ZCRB1: variants seen among roughly 807,000 people sequenced by gnomAD.
The protein encoded by ZCRB1 is zinc finger CCHC-type and RNA binding motif containing 1, also known as zinc finger CCHC-type and RNA-binding motif-containing protein 1.
ZCRB1 carries 21 observed loss-of-function variants against 29.9 expected under a neutral mutation model. The ratio of observed to expected loss-of-function variants is 0.70; its 90% CI spans 0.50 to 1.01. ZCRB1 has a LOEUF of 1.01. Among genes scored for constraint, ZCRB1 ranks in the 50% least tolerant of loss-of-function variants. The pLI is 0.00. For synonymous variants in ZCRB1, 77 were observed against 80.0 expected (o/e 0.96, Z 0.20); for missense variants, 204 against 253.3 (o/e 0.81, Z 1.32).
chr12:42,312,888 G>T lies in ZCRB1; in HGVS notation c.*179C>A. ...CAGAAGTCCTCATGTAAACAAATCA[G>T]GCATGAATAAAGCCCTTATAATGAA... On this transcript the variant is annotated 3_prime_UTR_variant, in exon 8 of 8. Coordinates refer to ENST00000266529, the MANE Select transcript of ZCRB1 (RefSeq NM_033114.4). 1 of 567,078 alleles carries T rather than the reference G, an allele frequency of 1.8e-6. No homozygotes were observed. The highest frequency in any genetic ancestry group is 2.5e-6 in the Non-Finnish European group (1 of 393,328). 35.1% of individuals were successfully genotyped at this position (567,078 alleles called of 1,614,324 possible). A position where few individuals can be genotyped will look rare whatever the true frequency, so the allele number is the denominator to read the frequency against.
intron 3 of ZCRB1, among the ~76,000 whole-genome samples, chr12:42,319,803 T>C (rs969997150): frequency 2.0e-5 from 3 of 152,360 alleles, no homozygotes; most frequent in Middle Eastern, 3.4e-3. Flanking sequence ...TAGATATACC[T>C]TTATATTCAA....
intron 5 of ZCRB1, among the ~76,000 whole-genome samples, chr12:42,314,666 T>C (rs1033976917): frequency 2.6e-5 from 4 of 152,078 alleles, no homozygotes; most frequent in Non-Finnish European, 5.9e-5. Flanking sequence ...GATAAAACTA[T>C]TCCTGTTAAT....
chr12:42,319,267 T>C (rs1485993177), intron 3 of ZCRB1, among the ~76,000 whole-genome samples: 1 of 152,228 alleles, frequency 6.6e-6, no homozygotes, highest in African/African-American at 2.4e-5. Flanking sequence ...TCTATTCTTA[T>C]TGGTTCCTTT....
rs2068577680 is a variant in ZCRB1, at chr12:42,313,146, G to T, written c.575C>A (p.Pro192His). 1 of 1,611,974 alleles carries T rather than the reference G, an allele frequency of 6.2e-7. No homozygotes were observed. Among genetic ancestry groups the T allele is most frequent in the Non-Finnish European group, 8.5e-7 (1 of 1,179,012 alleles). ...GCGTCTTGAATCATCTGATGTTGAG[G>T]GGACTCCTGAACTGGGTTTCCATTT... ...QKKWKPSSGV[P>H]STSDDSRRPR... The change falls in exon 8 of 8, where the codon CCC (proline) becomes CAC (histidine). Residue 192 changes from proline (P) to histidine (H), a missense_variant. Coordinates refer to ENST00000266529, the MANE Select transcript of ZCRB1 (RefSeq NM_033114.4).
At chr12:42,324,992 CAGGGTGT>C (rs1278658034) in intron 1 of ZCRB1, among the ~76,000 whole-genome samples, 1 of 152,220 alleles carries the variant, frequency 6.6e-6, no homozygotes, top group Non-Finnish European at 1.5e-5. Flanking sequence ...GCAGACATCA[CAGGGTGT>C]ACTGAGACAA....
chr12:42,319,149 G>C (rs1477078653), intron 3 of ZCRB1, among the ~76,000 whole-genome samples: 2 of 152,116 alleles, frequency 1.3e-5, no homozygotes, highest in Admixed American at 6.5e-5. Context: ...TATTTCAAAA[G>C]AAGTATTGGC....
chr12:42,319,357 C>G (rs764923133), intron 3 of ZCRB1, among the ~76,000 whole-genome samples: 2 of 152,072 alleles, frequency 1.3e-5, no homozygotes, highest in Admixed American at 6.6e-5. Flanking sequence ...CACACCATTC[C>G]TTTGTTCAAA....
In ZCRB1 at chr12:42,317,130, C is replaced by T. The variant is rs554417788; in HGVS notation, c.333+210G>A. ...CACTGTGGTGGGAGGATCAGTTGGGCCCGGGAGGTAGAGGCTGCAGTGAGT... is the reference window on the plus strand; with the variant it reads ...CACTGTGGTGGGAGGATCAGTTGGGTCCGGGAGGTAGAGGCTGCAGTGAGT... On this transcript the variant is annotated intron_variant, in intron 5 of 7. Coordinates refer to ENST00000266529, the MANE Select transcript of ZCRB1 (RefSeq NM_033114.4). Among the ~76,000 whole-genome samples, 3 of 152,224 alleles carry T rather than the reference C, an allele frequency of 2.0e-5. No homozygotes were observed. In the East Asian group the frequency reaches 5.8e-4, roughly 29 times the overall value.
Position 42,313,675 on chromosome 12 carries a change from A to G in ZCRB1, c.522+15T>C, listed in dbSNP as rs1177754688. ...CAACTATTGTATGATGCCTTTTAAAAGAACAATTTAATACCTGGAATGCTA... is the reference window on the plus strand; with the variant it reads ...CAACTATTGTATGATGCCTTTTAAAGGAACAATTTAATACCTGGAATGCTA... On this transcript the variant is annotated intron_variant, in intron 7 of 7. Coordinates refer to ENST00000266529, the MANE Select transcript of ZCRB1 (RefSeq NM_033114.4). The G allele has an allele frequency of 1.2e-6, 2 of 1,611,026 alleles. No homozygotes were observed. The highest frequency in any genetic ancestry group is 1.7e-5 in the Admixed American group (1 of 59,474).
At position 42,317,356 on chromosome 12, in the gene ZCRB1, T is replaced by A. The variant is rs1319207235; in HGVS notation, c.317A>T (p.Lys106Met). Residue 106 changes from lysine to methionine, a missense_variant, in exon 5 of 8, where the codon AAG (lysine) becomes ATG (methionine). Lys to Met is a moderately conservative substitution (Grantham distance 95). Coordinates refer to ENST00000266529, the MANE Select transcript of ZCRB1 (RefSeq NM_033114.4). Reference sequence around the variant, plus strand: ...TTTACTTACCCCACATTCATAACACTTAGATTTATCAAAGTAGTTTCGCCT... The same window carrying A: ...TTTACTTACCCCACATTCATAACACATAGATTTATCAAAGTAGTTTCGCCT... ...IRRRNYFDKS[K>M]CYECGESGHL... is the part of the protein sequence containing the mutation. 1 of 1,611,342 alleles carries A rather than the reference T, an allele frequency of 6.2e-7. No individual in the cohort carries two copies. The highest frequency in any genetic ancestry group is 8.5e-7 in the Non-Finnish European group (1 of 1,179,150).
At position 42,312,352 on chromosome 12, in the gene ZCRB1, T is replaced by C. The variant is rs1230026491; in HGVS notation, c.*715A>G. On this transcript the variant is annotated 3_prime_UTR_variant, in exon 8 of 8. Coordinates refer to ENST00000266529, the MANE Select transcript of ZCRB1 (RefSeq NM_033114.4). The stretch of plus-strand genomic sequence containing the variant: ...AAAAAAAATAGACAATTATTAACTC[T>C]AGGAAAAAACGTAATCATAGCATAT... 2 of 152,052 alleles carry C rather than the reference T, an allele frequency of 1.3e-5. No homozygotes were observed. The highest frequency in any genetic ancestry group is 2.4e-5 in the African/African-American group (1 of 41,416). The allele number at this position is 152,052 out of a possible 1,614,324, so 9.4% of individuals were successfully genotyped here.
At chr12:42,320,556 C>G (rs1351200269) in intron 3 of ZCRB1, among the ~76,000 whole-genome samples, 3 of 152,052 alleles carry the variant, frequency 2.0e-5, no homozygotes, top group African/African-American at 7.2e-5. Context: ...TCAAGTAATT[C>G]TCATGCCTCG....
chr12:42,322,485 A>C lies in ZCRB1; in HGVS notation c.85-39T>G, dbSNP rs751200477. ...CCAAATATTTACAATTTATTTTAAA[A>C]TCATAAAACATCAAATTTTTAGGTT... is the stretch of plus-strand genomic sequence containing the variant. On this transcript the variant is annotated intron_variant, in intron 2 of 7. Coordinates refer to ENST00000266529, the MANE Select transcript of ZCRB1 (RefSeq NM_033114.4). 12 of 1,440,478 alleles carry C rather than the reference A, an allele frequency of 8.3e-6. No individual in the cohort carries two copies. In the South Asian group the frequency reaches 1.6e-4, roughly 19 times the overall value. The allele number at this position is 1,440,478 out of a possible 1,614,324, so 89.2% of individuals were successfully genotyped here. A position where few individuals can be genotyped will look rare whatever the true frequency, so the allele number is the denominator to read the frequency against.
chr12:42,314,464 C>T (rs1318342917), intron 5 of ZCRB1, among the ~76,000 whole-genome samples: 1 of 146,496 alleles, frequency 6.8e-6, no homozygotes, highest in Non-Finnish European at 1.5e-5. Context: ...CACCTGTAGT[C>T]CCAGCTACTC....
At position 42,326,077 on chromosome 12, in the gene ZCRB1, G is replaced by A. The variant is rs557735919; in HGVS notation, c.-156C>T. 18 of 152,436 alleles carry A rather than the reference G, an allele frequency of 1.2e-4. No homozygotes were observed. The highest frequency in any genetic ancestry group is 3.8e-4 in the African/African-American group (16 of 41,596). The allele number at this position is 152,436 out of a possible 1,614,324, so 9.4% of individuals were successfully genotyped here. On this transcript the variant is annotated 5_prime_UTR_variant, in exon 1 of 8. Coordinates refer to ENST00000266529, the MANE Select transcript of ZCRB1 (RefSeq NM_033114.4). Reference sequence around the variant, plus strand: ...GAGAGCAGATAATAGCAGCCACGGTGCTTCTTCCCGACTGTTTGAGATCCG... The same window carrying A: ...GAGAGCAGATAATAGCAGCCACGGTACTTCTTCCCGACTGTTTGAGATCCG...
At chr12:42,314,287 C>T (rs574894904) in intron 5 of ZCRB1, among the ~76,000 whole-genome samples, 2 of 148,562 alleles carry the variant, frequency 1.3e-5, no homozygotes, top group African/African-American at 2.5e-5. Context: ...TGGTCGGGCG[C>T]GGTGGCTCAC....
intron 5 of ZCRB1, among the ~76,000 whole-genome samples, chr12:42,315,598 T>G (rs2068591020): frequency 6.6e-6 from 1 of 152,092 alleles, no homozygotes; most frequent in Non-Finnish European, 1.5e-5. Flanking sequence ...ATAAAAAAGT[T>G]TTTTTTGGAG....
intron 3 of ZCRB1, among the ~76,000 whole-genome samples, chr12:42,319,191 A>T (rs940009990): frequency 6.6e-6 from 1 of 152,144 alleles, no homozygotes; most frequent in Non-Finnish European, 1.5e-5. Context: ...ATGATCTCTC[A>T]TCTGTTGCCT....
At chr12:42,317,632 C>T (rs994137690) in intron 4 of ZCRB1, among the ~76,000 whole-genome samples, 155 bp downstream of exon 4, 2 of 152,066 alleles carry the variant, frequency 1.3e-5, no homozygotes, top group South Asian at 2.1e-4. Context: ...TTTTGAGAAC[C>T]CAGTAGTTTG....
Sources: gnomAD v4.1 joint callset for allele counts (sites outside exome capture counted in the v4.1 genomes callset) on GRCh38, gnomAD v4.1.1 for gene constraint, MANE v1.5 for transcripts, NCBI Gene and HGNC (gene_info 2026-07-23, HGNC 2026-07-21) for gene names.